Variants in EML4 observed in about 807,000 individuals in gnomAD.
EML4 encodes the protein EMAP like 4, also known as echinoderm microtubule-associated protein-like 4.
A neutral mutation model predicts 129.0 loss-of-function variants in EML4; 72 were observed. The observed-to-expected ratio is 0.56, with a 90% CI of 0.46 to 0.68. The LOEUF is 0.68. Ranked by LOEUF, EML4 falls within the 30% of genes least tolerant of loss-of-function variation. The pLI is 0.00. For synonymous variants in EML4, 532 were observed against 405.0 expected (o/e 1.31, Z -3.77); for missense variants, 1,363 against 1,190.6 (o/e 1.14, Z -2.13).
chr2:42,232,148 G>A (rs12053513), intron 1 of EML4, among the ~76,000 whole-genome samples: 38,995 of 151,996 alleles, frequency 0.26, 6,023 homozygotes, highest in East Asian at 0.56. Context: ...AGCTGAGACT[G>A]GGTCTCACAA....
chr2:42,197,887 AAT>A (rs1184167501), intron 1 of EML4, among the ~76,000 whole-genome samples: 1 of 152,146 alleles, frequency 6.6e-6, no homozygotes, highest in Non-Finnish European at 1.5e-5. Context: ...TTAGAAGCAT[AAT>A]ATATATGTTT....
At chr2:42,244,786 G>A (rs1267272233) in intron 1 of EML4, among the ~76,000 whole-genome samples, 1 of 152,062 alleles carries the variant, frequency 6.6e-6, no homozygotes, top group Non-Finnish European at 1.5e-5. Context: ...TGATTTATAT[G>A]CCTTTTCTGT....
intron 19 of EML4, among the ~76,000 whole-genome samples, chr2:42,323,731 C>T (rs1174570508): frequency 4.7e-5 from 7 of 149,182 alleles, no homozygotes; most frequent in Non-Finnish European, 8.9e-5. Flanking sequence ...GTCAGGAATT[C>T]GAGACCAGCC....
intron 1 of EML4, among the ~76,000 whole-genome samples, chr2:42,184,695 T>C (rs1305998910): frequency 6.6e-6 from 1 of 152,228 alleles, no homozygotes; most frequent in Non-Finnish European, 1.5e-5. Flanking sequence ...ATCTCTTCTT[T>C]TGACCACTTT....
chr2:42,312,565 T>C (rs1284137447), intron 17 of EML4, among the ~76,000 whole-genome samples: 2 of 152,106 alleles, frequency 1.3e-5, no homozygotes, highest in Non-Finnish European at 2.9e-5. Flanking sequence ...GAATTTTTTT[T>C]TTTTTTTAGA....
At chr2:42,280,748 A>T in intron 6 of EML4, 102 bp from the exon 7 acceptor site, 1 of 828,642 alleles carries the variant, frequency 1.2e-6, no homozygotes, top group Non-Finnish European at 1.8e-6. Flanking sequence ...ACTTTGAAGT[A>T]GTCATTTTTG....
intron 18 of EML4, among the ~76,000 whole-genome samples, chr2:42,316,840 T>A (rs1481662012): frequency 6.6e-6 from 1 of 152,250 alleles, no homozygotes; most frequent in Admixed American, 6.5e-5. Flanking sequence ...TACTTTAAGC[T>A]ATAAGCCTTT....
At chr2:42,324,412 T>C (rs1238465249) in intron 19 of EML4, among the ~76,000 whole-genome samples, 1 of 152,140 alleles carries the variant, frequency 6.6e-6, no homozygotes, top group African/African-American at 2.4e-5. Flanking sequence ...GCCTGGGAGT[T>C]CAAGACCAGC....
intron 1 of EML4, among the ~76,000 whole-genome samples, chr2:42,225,293 T>A (rs1673883968): frequency 2.0e-5 from 3 of 152,152 alleles, no homozygotes; most frequent in Non-Finnish European, 2.9e-5. Context: ...CTTTGTCATA[T>A]GGTAATCCTG....
chr2:42,244,199 A>G (rs1675233203), intron 1 of EML4, among the ~76,000 whole-genome samples: 3 of 149,798 alleles, frequency 2.0e-5, no homozygotes, highest in Admixed American at 6.7e-5. Context: ...CCTGGGTTCA[A>G]GCAATTCTCC....
At chr2:42,270,674 T>C (rs941204288) in intron 6 of EML4, among the ~76,000 whole-genome samples, 1 of 152,208 alleles carries the variant, frequency 6.6e-6, no homozygotes. Flanking sequence ...TGAGAGGGTG[T>C]ATATTGTCAT....
chr2:42,258,511 C>T (rs558396478), intron 3 of EML4, among the ~76,000 whole-genome samples: 2 of 152,234 alleles, frequency 1.3e-5, no homozygotes, highest in East Asian at 3.9e-4. Context: ...AGAGATTCTC[C>T]TGCTGCAGCA....
At chr2:42,221,172 A>C (rs1673567842) in intron 1 of EML4, among the ~76,000 whole-genome samples, 1 of 152,102 alleles carries the variant, frequency 6.6e-6, no homozygotes, top group Admixed American at 6.5e-5. Context: ...TATTAGAAAA[A>C]GATGTTACCC....
intron 6 of EML4, among the ~76,000 whole-genome samples, chr2:42,272,871 A>G (rs1306447277): frequency 7.9e-5 from 12 of 152,178 alleles, no homozygotes. Context: ...TGTTCTTAGA[A>G]GTTGGGATAG....
chr2:42,331,109 C>T lies in EML4; in HGVS notation c.*902C>T, dbSNP rs1670078973. 4.6e-6 allele frequency: 1 copy of T among 217,580 alleles called. No individual in the cohort carries two copies. Among genetic ancestry groups the T allele is most frequent in the Non-Finnish European group, 9.2e-6 (1 of 108,120 alleles). 13.5% of individuals were successfully genotyped at this position (217,580 alleles called of 1,614,324 possible). ...GCTAAGCCTTCATCATAATTTGTTCCCTCAGTAATAGGAGAAATATAAATA... is the reference window on the plus strand; with the variant it reads ...GCTAAGCCTTCATCATAATTTGTTCTCTCAGTAATAGGAGAAATATAAATA... On this transcript the variant is annotated 3_prime_UTR_variant, in exon 23 of 23. Transcript: ENST00000318522.
intron 6 of EML4, among the ~76,000 whole-genome samples, chr2:42,273,377 CAT>C (rs142875933): frequency 0.011 from 1,731 of 152,228 alleles, 32 homozygotes; most frequent in African/African-American, 0.04. Context: ...TAAGCAAACT[CAT>C]GTCTGATATT....
intron 1 of EML4, 150 bp from the exon 2 acceptor site, chr2:42,245,355 C>T: frequency 2.9e-6 from 2 of 682,344 alleles, no homozygotes; most frequent in Non-Finnish European, 4.8e-6. Flanking sequence ...CTTGGCCCCT[C>T]AAAGTTCTGG....
chr2:42,268,372 C>G (rs775347656), intron 6 of EML4, among the ~76,000 whole-genome samples: 1 of 152,182 alleles, frequency 6.6e-6, no homozygotes, highest in Non-Finnish European at 1.5e-5. Flanking sequence ...ATTTTGCTCT[C>G]TGCAGGAGAT....
intron 22 of EML4, 90 bp downstream of exon 22, chr2:42,329,106 T>C: frequency 7.4e-7 from 1 of 1,343,478 alleles, no homozygotes; most frequent in Non-Finnish European, 1.0e-6. Context: ...GGTTACTGAT[T>C]CCTCTCCATG....
Sources: allele counts gnomAD v4.1 joint callset (sites outside exome capture counted in the v4.1 genomes callset), GRCh38; gene constraint gnomAD v4.1.1; transcripts MANE v1.5; gene names NCBI Gene and HGNC (gene_info 2026-07-23, HGNC 2026-07-21).